SOX6: variants seen among roughly 807,000 people sequenced by gnomAD.
SOX6 encodes the protein SRY-box transcription factor 6.
A neutral mutation model predicts 97.8 loss-of-function variants in SOX6; 11 were observed. That is an observed-to-expected ratio of 0.11 (90% confidence interval 0.07 to 0.19). The LOEUF is 0.19. Ranked by LOEUF, SOX6 falls within the 10% of genes least tolerant of loss-of-function variation. The pLI, the probability that SOX6 is intolerant of heterozygous loss-of-function variation, is 1.00. For missense variants in SOX6, 810 were observed against 1,039.5 expected, an observed-to-expected ratio of 0.78 and a Z score of 3.04; for synonymous variants, 360 against 371.4, an observed-to-expected ratio of 0.97 and a Z score of 0.35.
chr11:16,680,278 G>A (rs2134029244), intron 3 of SOX6, among the ~76,000 whole-genome samples: 1 of 152,300 alleles, frequency 6.6e-6, no homozygotes, highest in African/African-American at 2.4e-5. Context: ...AACCCTACAA[G>A]CCAGAAGAGA....
At chr11:16,196,479 A>T (rs1379960082) in intron 4 of SOX6, among the ~76,000 whole-genome samples, 1 of 152,200 alleles carries the variant, frequency 6.6e-6, no homozygotes, top group Non-Finnish European at 1.5e-5. Context: ...TATTTCCTAA[A>T]TATACTGTTT....
chr11:16,672,822 G>A (rs1847856812), intron 3 of SOX6, among the ~76,000 whole-genome samples: 1 of 152,126 alleles, frequency 6.6e-6, no homozygotes, highest in Non-Finnish European at 1.5e-5. Flanking sequence ...AAAATAAAGG[G>A]ATGGAAGAAA....
intron 4 of SOX6, among the ~76,000 whole-genome samples, chr11:16,534,537 A>G (rs1391059703): frequency 1.3e-5 from 2 of 152,104 alleles, no homozygotes; most frequent in Non-Finnish European, 2.9e-5. Context: ...ACACAAATGG[A>G]TTTAGTTTCA....
At chr11:16,126,297 C>A (rs1849611400) in intron 6 of SOX6, among the ~76,000 whole-genome samples, 1 of 152,036 alleles carries the variant, frequency 6.6e-6, no homozygotes, top group Admixed American at 6.6e-5. Flanking sequence ...GACAGTTCCC[C>A]CAAATGAATG....
chr11:16,561,850 T>G (rs544786001), intron 4 of SOX6, among the ~76,000 whole-genome samples: 1 of 152,062 alleles, frequency 6.6e-6, no homozygotes, highest in East Asian at 1.9e-4. Flanking sequence ...CACCTCAGCC[T>G]CCCTAGGAGC....
chr11:16,530,969 A>G (rs1861228622), intron 4 of SOX6, among the ~76,000 whole-genome samples: 1 of 147,708 alleles, frequency 6.8e-6, no homozygotes, highest in Non-Finnish European at 1.5e-5. Flanking sequence ...TATAGAATGT[A>G]AATATATATA....
chr11:16,521,013 AG>A (rs1279283729), intron 4 of SOX6, among the ~76,000 whole-genome samples: 3 of 152,218 alleles, frequency 2.0e-5, no homozygotes, highest in African/African-American at 7.2e-5. Flanking sequence ...CAGCTCAAGG[AG>A]GCCTCCCTGC....
chr11:16,093,753 G>A (rs866713594), intron 9 of SOX6, among the ~76,000 whole-genome samples: 2 of 151,978 alleles, frequency 1.3e-5, no homozygotes, highest in Middle Eastern at 3.4e-3. Flanking sequence ...CTTATCAAAG[G>A]AGGGGAGAAG....
chr11:16,612,298 C>G, intron 3 of SOX6: 1 of 152,482 alleles, frequency 6.6e-6, no homozygotes. Context: ...ATCAGAGTCC[C>G]CAGATGCAGT....
chr11:16,034,062 C>T (rs1331198353), intron 12 of SOX6, among the ~76,000 whole-genome samples: 2 of 152,094 alleles, frequency 1.3e-5, no homozygotes, highest in Non-Finnish European at 2.9e-5. Context: ...TGTCTTCTTG[C>T]CCCCATTTTA....
At chr11:16,112,867 G>A (rs1849263708) in intron 6 of SOX6, among the ~76,000 whole-genome samples, 1 of 152,058 alleles carries the variant, frequency 6.6e-6, no homozygotes, top group African/African-American at 2.4e-5. Flanking sequence ...TTTATAGGTT[G>A]AATACAGGAC....
At chr11:16,587,387 A>G (rs1848105920) in intron 4 of SOX6, among the ~76,000 whole-genome samples, 1 of 152,044 alleles carries the variant, frequency 6.6e-6, no homozygotes, top group Non-Finnish European at 1.5e-5. Context: ...AATAATAATC[A>G]CTAATGTTTA....
intron 4 of SOX6, among the ~76,000 whole-genome samples, chr11:16,197,701 C>A (rs892000422): frequency 1.3e-5 from 2 of 152,112 alleles, no homozygotes; most frequent in Non-Finnish European, 2.9e-5. Flanking sequence ...AATAAAACTT[C>A]TTTCAAGATT....
chr11:16,721,658 C>T (rs888516545), intron 2 of SOX6, among the ~76,000 whole-genome samples: 1 of 141,370 alleles, frequency 7.1e-6, no homozygotes, highest in Non-Finnish European at 1.5e-5. Context: ...TCCTGCCAGC[C>T]GTGTGAAGAC....
At chr11:16,139,425 C>A (rs1336399814) in intron 6 of SOX6, among the ~76,000 whole-genome samples, 3 of 151,960 alleles carry the variant, frequency 2.0e-5, no homozygotes, top group Admixed American at 2.0e-4. Context: ...TTTATTTTTT[C>A]ATTTATTCAT....
At chr11:16,154,085 A>G (rs987738588) in intron 6 of SOX6, among the ~76,000 whole-genome samples, 1 of 152,148 alleles carries the variant, frequency 6.6e-6, no homozygotes, top group Non-Finnish European at 1.5e-5. Flanking sequence ...CAGTGGCTGG[A>G]TACCACCAAA....
chr11:16,512,963 G>C (rs557962301), intron 4 of SOX6, among the ~76,000 whole-genome samples: 7 of 152,144 alleles, frequency 4.6e-5, no homozygotes, highest in Non-Finnish European at 1.0e-4. Context: ...TACCAAATAA[G>C]TCAGTTCCTT....
intron 1 of SOX6, among the ~76,000 whole-genome samples, chr11:16,378,965 T>C (rs1455414044): frequency 6.6e-6 from 1 of 152,116 alleles, no homozygotes; most frequent in African/African-American, 2.4e-5. Context: ...ATGAATTTCA[T>C]CCTTGCAACA....
At chr11:16,714,451 C>CTTTTTTTTT (rs761435639) in intron 3 of SOX6, among the ~76,000 whole-genome samples, 4 of 116,376 alleles carry the variant, frequency 3.4e-5, no homozygotes, top group African/African-American at 1.3e-4. Flanking sequence ...AATTTTCTTT[C>CTTTTTTTTT]TTTTTTTTTT....
Sources: allele counts gnomAD v4.1 joint callset (sites outside exome capture counted in the v4.1 genomes callset), GRCh38; gene constraint gnomAD v4.1.1; transcripts MANE v1.5; gene names NCBI Gene and HGNC (gene_info 2026-07-23, HGNC 2026-07-21).